The following GPC6 variants were observed in gnomAD, a reference collection of about 807,000 sequenced individuals.
The protein encoded by GPC6 is glypican-6.
Under a neutral mutation model 55.2 loss-of-function variants are expected in GPC6, and 14 were observed. That is an observed-to-expected ratio of 0.25 (90% confidence interval 0.17 to 0.40). The LOEUF is 0.40. Ranked by LOEUF, GPC6 falls within the 10% of genes least tolerant of loss-of-function variation. The probability of loss-of-function intolerance (pLI) is 1.00; values close to 1 mark genes in which losing one functional copy is unlikely to be tolerated. For synonymous variants in GPC6, 278 were observed against 259.6 expected (o/e 1.07, Z -0.68); for missense variants, 641 against 708.5 (o/e 0.90, Z 1.08).
chr13:93,391,812 G>A (rs115436532), intron 1 of GPC6, among the ~76,000 whole-genome samples: 255 of 152,132 alleles, frequency 1.7e-3, no homozygotes, highest in African/African-American at 5.8e-3. Flanking sequence ...CATTCACTCT[G>A]GCAGATGAGT....
At chr13:93,688,202 G>T (rs1185189490) in intron 2 of GPC6, among the ~76,000 whole-genome samples, 5 of 151,958 alleles carry the variant, frequency 3.3e-5, no homozygotes, top group African/African-American at 1.2e-4. Flanking sequence ...TAGAGTGTGG[G>T]GTGGCAGATA....
At chr13:93,574,763 A>G (rs757478576) in intron 2 of GPC6, among the ~76,000 whole-genome samples, 5 of 152,134 alleles carry the variant, frequency 3.3e-5, no homozygotes, top group African/African-American at 4.8e-5. Flanking sequence ...ACATCAACTC[A>G]TGTGCGTTCT....
At chr13:93,710,713 C>G (rs934373787) in intron 2 of GPC6, among the ~76,000 whole-genome samples, 12 of 142,928 alleles carry the variant, frequency 8.4e-5, no homozygotes, top group African/African-American at 2.9e-4. Flanking sequence ...AAAATATGGT[C>G]TGTATGAAGA....
At chr13:93,924,104 T>C (rs1877720642) in intron 3 of GPC6, among the ~76,000 whole-genome samples, 1 of 152,224 alleles carries the variant, frequency 6.6e-6, no homozygotes, top group South Asian at 2.1e-4. Context: ...ACTGGCAACT[T>C]TCTAAATTAC....
At chr13:93,724,315 A>T (rs1452344101) in intron 2 of GPC6, among the ~76,000 whole-genome samples, 3 of 151,948 alleles carry the variant, frequency 2.0e-5, no homozygotes, top group African/African-American at 7.2e-5. Flanking sequence ...ATTTAAACAA[A>T]ATTAAAGCAT....
chr13:93,962,912 A>G (rs1186014397), intron 3 of GPC6, among the ~76,000 whole-genome samples: 1 of 152,130 alleles, frequency 6.6e-6, no homozygotes, highest in Non-Finnish European at 1.5e-5. Context: ...CCAAACTCTC[A>G]AATATTGTGT....
chr13:93,355,681 A>C (rs1380241803), intron 1 of GPC6, among the ~76,000 whole-genome samples: 1 of 152,206 alleles, frequency 6.6e-6, no homozygotes. Flanking sequence ...AACTAGAACT[A>C]TGCTGTAAGA....
intron 6 of GPC6, among the ~76,000 whole-genome samples, chr13:94,339,817 G>A (rs1366849645): frequency 7.7e-6 from 1 of 130,342 alleles, no homozygotes; most frequent in African/African-American, 3.0e-5. Context: ...AGGCTGGAGT[G>A]CAATGGCACG....
intron 2 of GPC6, among the ~76,000 whole-genome samples, chr13:93,816,553 A>G (rs1886857384): frequency 6.8e-6 from 1 of 147,782 alleles, no homozygotes; most frequent in African/African-American, 2.5e-5. Flanking sequence ...TGATTCTTGG[A>G]TTCTCCATGG....
intron 1 of GPC6, among the ~76,000 whole-genome samples, chr13:93,523,474 C>T (rs564153550): frequency 1.6e-4 from 24 of 151,032 alleles, no homozygotes; most frequent in Non-Finnish European, 3.3e-4. Context: ...TGACATTTTA[C>T]ACACATACAC....
At chr13:93,916,885 G>C (rs1340311240) in intron 3 of GPC6, among the ~76,000 whole-genome samples, 3 of 152,194 alleles carry the variant, frequency 2.0e-5, no homozygotes, top group Non-Finnish European at 1.5e-5. Flanking sequence ...ACCTCAGTGA[G>C]AAATAAATCC....
Position 93,736,640 on chromosome 13 carries a change from C to A in GPC6, c.320-93514C>A, listed in dbSNP as rs549246572. Among the ~76,000 whole-genome samples, 11 of 152,152 alleles carry A rather than the reference C, an allele frequency of 7.2e-5. No individual in the cohort carries two copies. The South Asian group carries it at 2.3e-3, about 32-fold the overall frequency. Reference sequence around the variant, plus strand: ...ATAAATTAATTTTTAAATTAAATGTCTGATGCTTAAATAAACATAGCCTTA... The same window carrying A: ...ATAAATTAATTTTTAAATTAAATGTATGATGCTTAAATAAACATAGCCTTA... On this transcript the variant is annotated intron_variant, in intron 2 of 8. Transcript: ENST00000377047.
intron 2 of GPC6, among the ~76,000 whole-genome samples, chr13:93,825,184 C>T (rs908447706): frequency 6.6e-6 from 1 of 152,114 alleles, no homozygotes; most frequent in African/African-American, 2.4e-5. Flanking sequence ...CCCAAGAGGA[C>T]ATTTGATAAT....
chr13:94,351,962 C>CA (rs60206836), intron 6 of GPC6, among the ~76,000 whole-genome samples: 4,666 of 100,958 alleles, frequency 0.046, 125 homozygotes, highest in East Asian at 0.19. Context: ...GAGAAGAAGG[C>CA]AAAAAAAAAA....
chr13:94,046,267 C>T lies in GPC6; in HGVS notation c.877+18373C>T, dbSNP rs201830051. On this transcript the variant is annotated intron_variant, in intron 4 of 8. Transcript: ENST00000377047. ...GGCCACTCATTCTTTCAACTTGGTT[C>T]TAAAATGTTTCCCTAAGTGATAGTG... is the stretch of plus-strand genomic sequence containing the variant. Among the ~76,000 whole-genome samples, 15 of 152,156 alleles carry T rather than the reference C, an allele frequency of 9.9e-5. No individual in the cohort carries two copies. In the East Asian group the frequency reaches 2.7e-3, roughly 28 times the overall value.
chr13:94,367,869 G>A (rs186875374), intron 6 of GPC6, among the ~76,000 whole-genome samples: 18 of 151,572 alleles, frequency 1.2e-4, no homozygotes, highest in Middle Eastern at 3.4e-3. Context: ...TAAAAGTACC[G>A]GCCGGGCACC....
intron 1 of GPC6, among the ~76,000 whole-genome samples, chr13:93,351,888 G>T (rs1350004825): frequency 6.6e-6 from 1 of 152,050 alleles, no homozygotes; most frequent in East Asian, 1.9e-4. Context: ...TAATTATTAA[G>T]GATAAGCATA....
intron 6 of GPC6, among the ~76,000 whole-genome samples, chr13:94,335,672 A>T (rs1483379203): frequency 6.6e-6 from 1 of 152,194 alleles, no homozygotes; most frequent in Non-Finnish European, 1.5e-5. Flanking sequence ...TGAGAAGAAA[A>T]CCAAGACACT....
intron 3 of GPC6, among the ~76,000 whole-genome samples, chr13:94,013,783 C>T (rs1052447460): frequency 2.0e-5 from 3 of 152,188 alleles, no homozygotes; most frequent in Non-Finnish European, 2.9e-5. Flanking sequence ...TTTCCTATGT[C>T]CTGCTTTTGT....
Sources: gnomAD v4.1 joint callset for allele counts (sites outside exome capture counted in the v4.1 genomes callset) on GRCh38, gnomAD v4.1.1 for gene constraint, MANE v1.5 for transcripts, NCBI Gene and HGNC (gene_info 2026-07-23, HGNC 2026-07-21) for gene names.